Variants in CDC42BPA observed in about 807,000 individuals in gnomAD.
The protein encoded by CDC42BPA is CDC42 binding protein kinase alpha.
Under a neutral mutation model 223.5 loss-of-function variants are expected in CDC42BPA, and 80 were observed. The ratio of observed to expected loss-of-function variants is 0.36; its 90% CI spans 0.30 to 0.43. The LOEUF is 0.43. Among genes scored for constraint, CDC42BPA ranks in the 20% least tolerant of loss-of-function variants. The pLI, the probability that CDC42BPA is intolerant of heterozygous loss-of-function variation, is 1.00. For synonymous variants in CDC42BPA, 694 were observed against 718.6 expected, an observed-to-expected ratio of 0.97 and a Z score of 0.55; for missense variants, 1,743 against 2,099.9, an observed-to-expected ratio of 0.83 and a Z score of 3.32.
intron 3 of CDC42BPA, among the ~76,000 whole-genome samples, chr1:227,206,592 T>C (rs1672768230): frequency 6.6e-6 from 1 of 152,180 alleles, no homozygotes; most frequent in African/African-American, 2.4e-5. Context: ...GTAGGTCTTG[T>C]TTTCCAAAGT....
chr1:226,995,822 G>A (rs1164716106), intron 35 of CDC42BPA, among the ~76,000 whole-genome samples: 2 of 152,134 alleles, frequency 1.3e-5, no homozygotes, highest in South Asian at 2.1e-4. Context: ...TGCCTTCATC[G>A]TGCTGAGTTT....
chr1:227,211,835 T>C (rs1045086593), intron 3 of CDC42BPA, among the ~76,000 whole-genome samples: 1 of 152,108 alleles, frequency 6.6e-6, no homozygotes, highest in African/African-American at 2.4e-5. Flanking sequence ...ATTTGGGTGA[T>C]GGGTTCACTA....
intron 14 of CDC42BPA, among the ~76,000 whole-genome samples, chr1:227,103,107 C>T (rs148485134): frequency 2.0e-5 from 3 of 152,056 alleles, no homozygotes; most frequent in South Asian, 2.1e-4. Flanking sequence ...CACTCTTATG[C>T]GACATTCATT....
At chr1:227,192,807 A>G (rs1669935001) in intron 5 of CDC42BPA, among the ~76,000 whole-genome samples, 1 of 144,078 alleles carries the variant, frequency 6.9e-6, no homozygotes, top group African/African-American at 2.6e-5. Context: ...TCACTTTCAT[A>G]CAAAAAAAAT....
chr1:227,256,607 A>C (rs1045836650), intron 1 of CDC42BPA, among the ~76,000 whole-genome samples: 3 of 152,142 alleles, frequency 2.0e-5, no homozygotes, highest in Non-Finnish European at 4.4e-5. Context: ...CAACCTCTAC[A>C]ATAGCTGAAT....
At chr1:226,999,415 A>G (rs1263776611) in intron 35 of CDC42BPA, among the ~76,000 whole-genome samples, 3 of 152,088 alleles carry the variant, frequency 2.0e-5, no homozygotes, top group African/African-American at 7.2e-5. Context: ...TGACCTCGTG[A>G]TCCACCCACC....
chr1:227,033,375 C>T lies in CDC42BPA; in HGVS notation c.3517G>A (p.Val1173Ile), dbSNP rs1280907320. ...FSVSSVLASD[V>I]IHASRKDIPC... ...ATATCTTTCCGACTTGCATGGATAA[C>T]ATCAGAAGCCAAGACTGAACTCACA... The change falls in exon 27 of 37, where the codon GTT becomes ATT. Residue 1173 changes from valine to isoleucine, a missense_variant. Val to Ile is a conservative substitution (Grantham distance 29). This residue lies in a region of CDC42BPA where 678 missense variants were observed against 777.5 expected (regional missense o/e 0.87). Transcript: ENST00000366766. 3 of 1,613,612 alleles carry T rather than the reference C, an allele frequency of 1.9e-6. No individual in the cohort carries two copies. The highest frequency in any genetic ancestry group is 2.5e-6 in the Non-Finnish European group (3 of 1,179,588).
At chr1:227,010,987 T>TG (rs1215508144) in intron 34 of CDC42BPA, 2 of 1,362,440 alleles carry the variant, frequency 1.5e-6, no homozygotes, top group Non-Finnish European at 2.0e-6. Context: ...AACAGTCATG[T>TG]GATAGATGTG....
intron 5 of CDC42BPA, 31 bp from the exon 6 acceptor site, chr1:227,160,667 G>T: frequency 1.7e-6 from 2 of 1,195,018 alleles, no homozygotes; most frequent in South Asian, 1.4e-5. Flanking sequence ...AATTTTTAGT[G>T]GAAAAATAAA....
intron 34 of CDC42BPA, among the ~76,000 whole-genome samples, chr1:227,014,195 AG>A (rs1665769929): frequency 2.0e-5 from 3 of 152,114 alleles, no homozygotes; most frequent in Admixed American, 2.0e-4. Context: ...AAAATAGTAT[AG>A]CTTTTAAACA....
At chr1:227,003,911 T>A (rs1335979602) in intron 35 of CDC42BPA, 2 of 146,672 alleles carry the variant, frequency 1.4e-5, no homozygotes, top group African/African-American at 4.9e-5. Context: ...CATGTATGTA[T>A]TTTTACCCCC....
At chr1:227,105,052 A>G (rs1274846545) in intron 14 of CDC42BPA, among the ~76,000 whole-genome samples, 2 of 152,202 alleles carry the variant, frequency 1.3e-5, no homozygotes, top group African/African-American at 4.8e-5. Flanking sequence ...TGTGATTCAC[A>G]TATCATACAA....
At chr1:227,311,183 C>CCA (rs1221284513) in intron 1 of CDC42BPA, among the ~76,000 whole-genome samples, 1 of 151,754 alleles carries the variant, frequency 6.6e-6, no homozygotes, top group African/African-American at 2.4e-5. Context: ...ATGAGACCCC[C>CCA]CATCTCCACA....
chr1:227,188,259 T>C (rs1254620045), intron 5 of CDC42BPA, among the ~76,000 whole-genome samples: 1 of 151,278 alleles, frequency 6.6e-6, no homozygotes, highest in Non-Finnish European at 1.5e-5. Context: ...AGGATTATTC[T>C]GTTATTACAA....
At chr1:227,205,283 A>AAAAAAATAT (rs1376021292) in intron 3 of CDC42BPA, among the ~76,000 whole-genome samples, 1 of 122,778 alleles carries the variant, frequency 8.1e-6, no homozygotes. Context: ...AAAAAAAAAA[A>AAAAAAATAT]ATATATATAT....
Position 227,147,495 on chromosome 1 carries a change from T to C in CDC42BPA, c.758A>G (p.Glu253Gly), listed in dbSNP as rs767178824. 6.2e-7 allele frequency: 1 copy of C among 1,613,350 alleles called. No individual in the cohort carries two copies. Among genetic ancestry groups the C allele is most frequent in the African/African-American group, 1.3e-5 (1 of 74,912 alleles). ...YISPEILQAM[E>G]DGKGRYGPEC... ...AGGTCCATATCTCCCTTTTCCATCT[T>C]CCATGGCTTGAAGGATTTCAGGAGA... Residue 253 changes from glutamate (E) to glycine (G), a missense_variant, in exon 7 of 37, where the codon GAA (glutamate) becomes GGA (glycine). Glu to Gly is a moderately conservative substitution (Grantham distance 98). Around this residue, in one of 6 missense-constraint regions of CDC42BPA, gnomAD observed 321 missense variants for 488.7 expected, o/e 0.66. Coordinates refer to ENST00000366766, the MANE Select transcript of CDC42BPA (RefSeq NM_001394014.1).
rs962844784 is a variant in CDC42BPA at position 227,078,149 on chromosome 1, A to C, written c.2480+2744T>G. Among the ~76,000 whole-genome samples the C allele has an allele frequency of 3.9e-5, 6 of 152,284 alleles. 1 individual carries two copies. Among genetic ancestry groups the C allele is most frequent in the Admixed American group, 3.9e-4 (6 of 15,298 alleles). On this transcript the variant is annotated intron_variant, in intron 17 of 36. Coordinates refer to ENST00000366766, the MANE Select transcript of CDC42BPA (RefSeq NM_001394014.1). ...TTTACAAAAATTCTCCAATTTGGTC[A>C]AACTAGGTGTAGGATATTTTACTAA...
chr1:227,074,110 A>G (rs1678976691), intron 18 of CDC42BPA, 98 bp from the exon 19 acceptor site: 1 of 1,438,232 alleles, frequency 7.0e-7, no homozygotes. Context: ...AAACTGGAAA[A>G]GACCCAAACT....
At chr1:227,315,866 T>C (rs72632821) in intron 1 of CDC42BPA, among the ~76,000 whole-genome samples, 14,834 of 150,294 alleles carry the variant, frequency 0.099, 1,162 homozygotes, top group East Asian at 0.36. Context: ...CTTCTTATAC[T>C]GGCAAATTGA....
Sources: allele counts gnomAD v4.1 joint callset (sites outside exome capture counted in the v4.1 genomes callset), GRCh38; gene constraint gnomAD v4.1.1; regional missense constraint gnomAD v4.1.1; transcripts MANE v1.5; gene names NCBI Gene and HGNC (gene_info 2026-07-23, HGNC 2026-07-21).